Variants in SLC38A11 observed in about 807,000 individuals in gnomAD.
The protein encoded by SLC38A11 is putative sodium-coupled neutral amino acid transporter 11.
SLC38A11 carries 51 observed loss-of-function variants against 49.4 expected under a neutral mutation model. The observed-to-expected ratio is 1.03, with a 90% CI of 0.83 to 1.30. SLC38A11 has a LOEUF of 1.30. SLC38A11 is among the 50% of genes most tolerant of loss of function. SLC38A11 has a pLI of 0.00. For synonymous variants in SLC38A11, 203 were observed against 192.9 expected, an observed-to-expected ratio of 1.05 and a Z score of -0.43; for missense variants, 574 against 556.2, an observed-to-expected ratio of 1.03 and a Z score of -0.32.
chr2:164,955,506 A>T lies in SLC38A11; in HGVS notation c.-259T>A, dbSNP rs1688787352. On this transcript the variant is annotated 5_prime_UTR_variant, in exon 1 of 12. Transcript: ENST00000685975. ...AAATGTATTTTTCCTCCGGAGACGG[A>T]GATGCTGCAGGATGTTTCTGATCCG... 1.9e-6 allele frequency: 1 copy of T among 534,494 alleles called. No homozygotes were observed. Among genetic ancestry groups the T allele is most frequent in the Non-Finnish European group, 3.3e-6 (1 of 298,858 alleles). The allele number at this position is 534,494 out of a possible 1,614,324, so 33.1% of individuals were successfully genotyped here.
intron 3 of SLC38A11, among the ~76,000 whole-genome samples, chr2:164,950,291 C>G (rs1688435479): frequency 6.6e-6 from 1 of 152,102 alleles, no homozygotes; most frequent in Non-Finnish European, 1.5e-5. Context: ...AATTTATATA[C>G]TTATGTCACA....
At chr2:164,942,547 A>G (rs1687853793) in intron 5 of SLC38A11, among the ~76,000 whole-genome samples, 1 of 152,158 alleles carries the variant, frequency 6.6e-6, no homozygotes, top group Admixed American at 6.5e-5. Flanking sequence ...GAATCTCATG[A>G]TTAAAAGATA....
intron 3 of SLC38A11, among the ~76,000 whole-genome samples, chr2:164,948,819 TAAATC>T (rs1274807204): frequency 6.6e-6 from 1 of 151,866 alleles, no homozygotes; most frequent in African/African-American, 2.4e-5. Flanking sequence ...TTAGCCAGAC[TAAATC>T]ACTTGTTCAG....
At chr2:164,910,092 T>C (rs377338522) in intron 10 of SLC38A11, among the ~76,000 whole-genome samples, 3 of 152,076 alleles carry the variant, frequency 2.0e-5, no homozygotes, top group African/African-American at 7.2e-5. Flanking sequence ...TTGTCAGTCA[T>C]ACATTTGTGT....
intron 7 of SLC38A11, among the ~76,000 whole-genome samples, chr2:164,936,031 A>G (rs188627635): frequency 4.8e-4 from 73 of 152,326 alleles, no homozygotes; most frequent in African/African-American, 1.7e-3. Context: ...CTCCAGAACT[A>G]TGAGAAAATA....
At chr2:164,902,372 G>A (rs1684714154) in intron 11 of SLC38A11, among the ~76,000 whole-genome samples, 2 of 151,958 alleles carry the variant, frequency 1.3e-5, no homozygotes, top group African/African-American at 4.8e-5. Context: ...CACAAATGTT[G>A]TTCTCTGAAA....
intron 5 of SLC38A11, among the ~76,000 whole-genome samples, chr2:164,940,142 G>A (rs1311963073): frequency 6.7e-6 from 1 of 149,732 alleles, no homozygotes; most frequent in African/African-American, 2.4e-5. Flanking sequence ...GCAACATATT[G>A]GATAGAGAAG....
At chr2:164,954,437 C>A (rs951472403) in intron 2 of SLC38A11, among the ~76,000 whole-genome samples, 194 bp downstream of exon 2, 12 of 152,206 alleles carry the variant, frequency 7.9e-5, no homozygotes, top group Admixed American at 2.6e-4. Context: ...TGAATTACAG[C>A]CCCATCTTCA....
Position 164,894,750 on chromosome 2 carries a change from G to T in SLC38A11, c.*3687C>A, listed in dbSNP as rs1684357692. 6.6e-6 allele frequency among the ~76,000 whole-genome samples: 1 copy of T among 151,974 alleles called. No homozygotes were observed. The highest frequency in any genetic ancestry group is 2.1e-4 in the South Asian group (1 of 4,818). On this transcript the variant is annotated 3_prime_UTR_variant, in exon 12 of 12. Transcript: ENST00000685975. Reference sequence around the variant, plus strand: ...GTCATTGCTCTTCACTAATATTATTGTCGTGGTTTCTCCTCTTCTCACTGT... The same window carrying T: ...GTCATTGCTCTTCACTAATATTATTTTCGTGGTTTCTCCTCTTCTCACTGT...
In SLC38A11 at chr2:164,897,049, T is replaced by C. The variant is rs1684389726; in HGVS notation, c.*1388A>G. 6.6e-6 allele frequency: 1 copy of C among 152,112 alleles called. No homozygotes were observed. The highest frequency in any genetic ancestry group is 1.5e-5 in the Non-Finnish European group (1 of 68,014). 9.4% of individuals were successfully genotyped at this position (152,112 alleles called of 1,614,324 possible). A position where few individuals can be genotyped will look rare whatever the true frequency, so the allele number is the denominator to read the frequency against. On this transcript the variant is annotated 3_prime_UTR_variant, in exon 12 of 12. Transcript: ENST00000685975. ...ATGAAATGAAAATCTTAGGTGATAC[T>C]TGATATAAGGAAGCCATCCAGATGG...
At chr2:164,905,843 C>T (rs1164232357) in intron 11 of SLC38A11, among the ~76,000 whole-genome samples, 1 of 152,046 alleles carries the variant, frequency 6.6e-6, no homozygotes, top group Non-Finnish European at 1.5e-5. Flanking sequence ...CCAGGGCCAG[C>T]TCAGATCTTG....
At position 164,944,597 on chromosome 2, in the gene SLC38A11, C is replaced by T. The variant is rs944388623; in HGVS notation, c.402G>A (p.Leu134=). 7 of 1,345,254 alleles carry T rather than the reference C, an allele frequency of 5.2e-6. No homozygotes were observed. The highest frequency in any genetic ancestry group is 6.8e-6 in the Non-Finnish European group (7 of 1,036,994). The allele number at this position is 1,345,254 out of a possible 1,614,324, so 83.3% of individuals were successfully genotyped here. The change falls in exon 5 of 12, where the codon TTG becomes TTA. Residue 134 remains leucine, a synonymous_variant. Coordinates refer to ENST00000685975, the MANE Select transcript of SLC38A11 (RefSeq NM_001351537.2). ...ISYNIIAGDT[L]SKVFQRIPGV... The stretch of plus-strand genomic sequence containing the variant: ...CTGGGATTCTTTGAAAAACTTTGCT[C>T]AAAGTATCTCCAGCTATTATATTGT...
intron 7 of SLC38A11, among the ~76,000 whole-genome samples, chr2:164,928,101 G>T (rs1686725805): frequency 6.6e-6 from 1 of 152,130 alleles, no homozygotes; most frequent in Admixed American, 6.6e-5. Context: ...AATCCTCCCT[G>T]AGCATATATT....
At chr2:164,899,728 G>C (rs1003037941) in intron 11 of SLC38A11, among the ~76,000 whole-genome samples, 1 of 152,016 alleles carries the variant, frequency 6.6e-6, no homozygotes, top group Admixed American at 6.6e-5. Flanking sequence ...AATACATACA[G>C]ATAGTAAAAT....
intron 7 of SLC38A11, among the ~76,000 whole-genome samples, chr2:164,923,113 A>G (rs1184157279): frequency 6.6e-6 from 1 of 152,228 alleles, no homozygotes; most frequent in African/African-American, 2.4e-5. Flanking sequence ...ACCTCAAACT[A>G]TAAAAATCCT....
intron 3 of SLC38A11, among the ~76,000 whole-genome samples, chr2:164,947,164 C>G: frequency 9.6e-6 from 1 of 104,260 alleles, no homozygotes; most frequent in Non-Finnish European, 1.7e-5. Context: ...TAGAGTCTTG[C>G]TCTGTCGCCC....
intron 3 of SLC38A11, among the ~76,000 whole-genome samples, chr2:164,950,945 T>A (rs1388284127): frequency 1.3e-5 from 2 of 152,172 alleles, no homozygotes; most frequent in Non-Finnish European, 2.9e-5. Flanking sequence ...AGCCTATATT[T>A]TTTTTCACTT....
chr2:164,946,381 C>T lies in SLC38A11; in HGVS notation c.230-654G>A, dbSNP rs184411772. 1.7e-4 allele frequency among the ~76,000 whole-genome samples: 26 copies of T among 151,974 alleles called. No homozygotes were observed. The East Asian group carries it at 2.1e-3, about 12-fold the overall frequency. On this transcript the variant is annotated intron_variant, in intron 3 of 11. Coordinates refer to ENST00000685975, the MANE Select transcript of SLC38A11 (RefSeq NM_001351537.2). Reference sequence around the variant, plus strand: ...AGGAGATCAAGGCCATCCCGGCCAACGTGGTGAAACCCCATCTCTACTAAA... The same window carrying T: ...AGGAGATCAAGGCCATCCCGGCCAATGTGGTGAAACCCCATCTCTACTAAA...
intron 11 of SLC38A11, among the ~76,000 whole-genome samples, chr2:164,900,523 G>T (rs1684584408): frequency 6.6e-6 from 1 of 151,980 alleles, no homozygotes; most frequent in African/African-American, 2.4e-5. Context: ...TCGCCTAGTG[G>T]TTTTAATTTG....
Sources: allele counts gnomAD v4.1 joint callset (sites outside exome capture counted in the v4.1 genomes callset), GRCh38; gene constraint gnomAD v4.1.1; transcripts MANE v1.5; gene names NCBI Gene and HGNC (gene_info 2026-07-23, HGNC 2026-07-21).